APP: variants seen among roughly 807,000 people sequenced by gnomAD.
APP encodes amyloid-beta precursor protein.
APP carries 31 observed loss-of-function variants against 101.4 expected under a neutral mutation model. That is an observed-to-expected ratio of 0.31 (90% CI 0.23 to 0.41). APP has a LOEUF of 0.41. Ranked by LOEUF, APP falls within the 10% of genes least tolerant of loss-of-function variation. APP has a pLI of 1.00. For missense variants in APP, 839 were observed against 1,003.7 expected (o/e 0.84, Z 2.22); for synonymous variants, 366 against 364.4 (o/e 1.00, Z -0.05).
intron 5 of APP, among the ~76,000 whole-genome samples, chr21:26,024,506 C>G (rs1456468150): frequency 1.3e-5 from 2 of 152,136 alleles, no homozygotes; most frequent in Non-Finnish European, 2.9e-5. Flanking sequence ...CAAGCGAACA[C>G]TATGATTCCA....
At chr21:26,045,792 C>T (rs577474508) in intron 5 of APP, among the ~76,000 whole-genome samples, 1 of 152,276 alleles carries the variant, frequency 6.6e-6, no homozygotes, top group South Asian at 2.1e-4. Context: ...CACCTGCATA[C>T]ATGGCCATAC....
intron 8 of APP, among the ~76,000 whole-genome samples, chr21:25,995,634 T>G (rs2043023765): frequency 6.6e-6 from 1 of 152,230 alleles, no homozygotes. Context: ...CAACTCAACA[T>G]GCGTACCTAT....
At chr21:26,148,080 G>C (rs950267601) in intron 1 of APP, among the ~76,000 whole-genome samples, 3 of 152,168 alleles carry the variant, frequency 2.0e-5, no homozygotes, top group African/African-American at 7.2e-5. Flanking sequence ...TTTAGGAGAA[G>C]GATATTGATT....
chr21:26,158,715 C>T (rs2063424766), intron 1 of APP, among the ~76,000 whole-genome samples: 1 of 152,146 alleles, frequency 6.6e-6, no homozygotes, highest in Non-Finnish European at 1.5e-5. Flanking sequence ...ACTTATTATA[C>T]CCCTGGGCTT....
chr21:26,027,433 G>A (rs114965641), intron 5 of APP, among the ~76,000 whole-genome samples: 1,789 of 152,292 alleles, frequency 0.012, 38 homozygotes, highest in African/African-American at 0.04. Flanking sequence ...CAGTTTGTCC[G>A]AAAGGAAAGC....
rs547417706 is a variant in APP, at chr21:26,085,575, C to T, written c.355+4368G>A. Among the ~76,000 whole-genome samples, 5 of 152,346 alleles carry T rather than the reference C, an allele frequency of 3.3e-5. No homozygotes were observed. In the South Asian group the frequency reaches 6.2e-4, roughly 19 times the overall value. ...TACAATAAAAATGTTTTTCCATCCTCATCGCCATCTTTAAAGTTTGGTGAA... is the reference window on the plus strand; with the variant it reads ...TACAATAAAAATGTTTTTCCATCCTTATCGCCATCTTTAAAGTTTGGTGAA... On this transcript the variant is annotated intron_variant, in intron 3 of 17. Coordinates refer to ENST00000346798, the MANE Select transcript of APP (RefSeq NM_000484.4).
intron 13 of APP, among the ~76,000 whole-genome samples, chr21:25,926,818 A>G (rs2039915659): frequency 6.6e-6 from 1 of 152,014 alleles, no homozygotes; most frequent in South Asian, 2.1e-4. Context: ...CCTGGCTAAC[A>G]TGGTGAAACC....
At chr21:26,136,412 T>TAAG (rs1202985896) in intron 1 of APP, among the ~76,000 whole-genome samples, 1 of 152,038 alleles carries the variant, frequency 6.6e-6, no homozygotes, top group African/African-American at 2.4e-5. Context: ...AGGCTTTATC[T>TAAG]AGGGAGTGCT....
At chr21:25,953,690 T>C (rs1269594307) in intron 13 of APP, among the ~76,000 whole-genome samples, 1 of 152,212 alleles carries the variant, frequency 6.6e-6, no homozygotes, top group Non-Finnish European at 1.5e-5. Context: ...TATGTACCTT[T>C]GTGAAGTAAG....
intron 2 of APP, among the ~76,000 whole-genome samples, chr21:26,100,120 A>T (rs1259113265): frequency 2.0e-5 from 3 of 152,196 alleles, no homozygotes; most frequent in Non-Finnish European, 4.4e-5. Context: ...AATTGTGAAA[A>T]CACAAGCAGA....
At chr21:26,130,098 A>AGC (rs2062761918) in intron 1 of APP, among the ~76,000 whole-genome samples, 1 of 152,220 alleles carries the variant, frequency 6.6e-6, no homozygotes, top group Admixed American at 6.5e-5. Flanking sequence ...TAAAATGTTG[A>AGC]GCATCACACA....
chr21:25,939,868 A>T (rs1381070121), intron 13 of APP, among the ~76,000 whole-genome samples: 3 of 152,204 alleles, frequency 2.0e-5, no homozygotes, highest in Admixed American at 2.0e-4. Flanking sequence ...TTTGACTGAC[A>T]TCAGCTACCC....
At position 26,096,612 on chromosome 21, in the gene APP, G is replaced by A. The variant is rs556189529; in HGVS notation, c.226-6540C>T. ...GAGGTGAGCATAAGTCTGAGCCACA[G>A]GTGGCATGTCAACACCCATGGGTGC... On this transcript the variant is annotated intron_variant, in intron 2 of 17. Coordinates refer to ENST00000346798, the MANE Select transcript of APP (RefSeq NM_000484.4). Among the ~76,000 whole-genome samples the A allele has an allele frequency of 2.6e-5, 4 of 152,306 alleles. No homozygotes were observed. The East Asian group carries it at 7.7e-4, about 29-fold the overall frequency.
At chr21:26,100,255 T>C (rs547759692) in intron 2 of APP, among the ~76,000 whole-genome samples, 1 of 152,242 alleles carries the variant, frequency 6.6e-6, no homozygotes, top group Admixed American at 6.5e-5. Flanking sequence ...AGTAAAGCAA[T>C]CCTTACATTT....
At chr21:25,897,453 T>C (rs1005494748) in intron 16 of APP, 120 bp downstream of exon 16, 7 of 839,626 alleles carry the variant, frequency 8.3e-6, no homozygotes, top group Non-Finnish European at 1.4e-5. Flanking sequence ...GGTAATCCTA[T>C]AGGCAAGCAT....
intron 6 of APP, among the ~76,000 whole-genome samples, chr21:26,007,381 TATA>T (rs2043579014): frequency 6.8e-6 from 1 of 147,176 alleles, no homozygotes; most frequent in South Asian, 2.1e-4. Context: ...TATATTAGAT[TATA>T]ATATATTATA....
intron 8 of APP, among the ~76,000 whole-genome samples, chr21:25,990,460 C>T (rs1198079561): frequency 1.4e-5 from 2 of 147,180 alleles, no homozygotes; most frequent in African/African-American, 5.1e-5. Flanking sequence ...AACTGGCGTC[C>T]AGAATGGGTT....
chr21:26,078,452 T>C (rs2061537215), intron 3 of APP, among the ~76,000 whole-genome samples: 2 of 152,206 alleles, frequency 1.3e-5, no homozygotes, highest in South Asian at 4.1e-4. Flanking sequence ...TTTAATGTAG[T>C]TCATTATTTA....
chr21:26,118,925 T>A (rs1381051947), intron 1 of APP, among the ~76,000 whole-genome samples: 1 of 152,050 alleles, frequency 6.6e-6, no homozygotes, highest in Non-Finnish European at 1.5e-5. Context: ...GTATTTGAGA[T>A]CTTTATCCTA....
Sources: gnomAD v4.1 joint callset for allele counts (sites outside exome capture counted in the v4.1 genomes callset) on GRCh38, gnomAD v4.1.1 for gene constraint, MANE v1.5 for transcripts, NCBI Gene and HGNC (gene_info 2026-07-23, HGNC 2026-07-21) for gene names.